The following WDCP variants were observed in gnomAD, a reference collection of about 807,000 sequenced individuals.
WDCP encodes WD repeat and coiled coil containing, also known as WD repeat and coiled-coil-containing protein.
Under a neutral mutation model 41.6 loss-of-function variants are expected in WDCP, and 19 were observed. That is an observed-to-expected ratio of 0.46 (90% CI 0.32 to 0.67). The LOEUF is 0.67. Among genes scored for constraint, WDCP ranks in the 30% least tolerant of loss-of-function variants. The probability of loss-of-function intolerance (pLI) is 0.04; values close to 1 mark genes in which losing one functional copy is unlikely to be tolerated. For missense variants in WDCP, 802 were observed against 850.7 expected (o/e 0.94, Z 0.71); for synonymous variants, 302 against 320.8 (o/e 0.94, Z 0.63).
rs189433158 is a variant in WDCP at position 24,034,771 on chromosome 2, T to C, written c.1819-1825A>G. On this transcript the variant is annotated intron_variant, in intron 2 of 3. Transcript: ENST00000295148. ...GTATTTTTCGGTAGAGACAGGGTTT[T>C]GCCATGCTGCCCAGGCTGGTCTCGA... Among the ~76,000 whole-genome samples, 263 of 152,040 alleles carry C rather than the reference T, an allele frequency of 1.7e-3. 2 individuals carry two copies. The highest frequency in any genetic ancestry group is 6.1e-3 in the African/African-American group (252 of 41,504).
In WDCP at chr2:24,030,255, C is replaced by A. The variant is rs911261906; in HGVS notation, c.*678G>T. 2 of 152,158 alleles carry A rather than the reference C, an allele frequency of 1.3e-5. No individual in the cohort carries two copies. The highest frequency in any genetic ancestry group is 6.5e-5 in the Admixed American group (1 of 15,278). The allele number at this position is 152,158 out of a possible 1,614,324, so 9.4% of individuals were successfully genotyped here. The stretch of plus-strand genomic sequence containing the variant: ...AGCATCGGCACAACCTCAAGTGGAA[C>A]CCAGAGGGGACAAATTCCCTTGAAA... On this transcript the variant is annotated 3_prime_UTR_variant, in exon 4 of 4. Transcript: ENST00000295148.
rs1663049579 is a variant in WDCP, at chr2:24,029,422, T to C, written c.*1511A>G. The stretch of plus-strand genomic sequence containing the variant: ...AAATGGTGATTTTAACATACCCTTT[T>C]AGGTGCCCACATTGATCTTAGTTAA... On this transcript the variant is annotated 3_prime_UTR_variant, in exon 4 of 4. Coordinates refer to ENST00000295148, the MANE Select transcript of WDCP (RefSeq NM_025203.3). The C allele has an allele frequency of 6.6e-6, 1 of 152,234 alleles. No homozygotes were observed. Among genetic ancestry groups the C allele is most frequent in the Admixed American group, 6.5e-5 (1 of 15,278 alleles). The allele number at this position is 152,234 out of a possible 1,614,324, so 9.4% of individuals were successfully genotyped here.
intron 2 of WDCP, among the ~76,000 whole-genome samples, chr2:24,034,783 C>T (rs991784599): frequency 2.6e-5 from 4 of 152,000 alleles, no homozygotes; most frequent in African/African-American, 4.8e-5. Context: ...CCATGCTGCC[C>T]AGGCTGGTCT....
rs70944709 is a variant in WDCP at position 24,043,491 on chromosome 2, TAAAACAAAAC to T, written c.-19+3813_-19+3822del. Among the ~76,000 whole-genome samples the T allele has an allele frequency of 6.6e-5, 10 of 151,136 alleles. No homozygotes were observed. The East Asian group carries it at 1.9e-3, about 29-fold the overall frequency. ...AACACAGCAAGATACTGTCTCTACT[TAAAACAAAAC>T]AAAACAAAACAAAAAACCCCCCAAC... On this transcript the variant is annotated intron_variant, in intron 1 of 3. Transcript: ENST00000295148.
At position 24,038,629 on chromosome 2, in the gene WDCP, T is replaced by G; in HGVS notation, c.866A>C (p.His289Pro). The G allele has an allele frequency of 6.2e-7, 1 of 1,614,202 alleles. No individual in the cohort carries two copies. The change falls in exon 2 of 4, where the codon CAT becomes CCT. Residue 289 changes from histidine to proline, a missense_variant. Coordinates refer to ENST00000295148, the MANE Select transcript of WDCP (RefSeq NM_025203.3). ...YLEPLDLTHI[H>P]FNQHKSEGNS... is the part of the protein sequence containing the mutation. Reference sequence around the variant, plus strand: ...ACCCTCAGACTTATGTTGATTGAAATGTATGTGAGTTAGATCCAGAGGTTC... The same window carrying G: ...ACCCTCAGACTTATGTTGATTGAAAGGTATGTGAGTTAGATCCAGAGGTTC...
intron 1 of WDCP, among the ~76,000 whole-genome samples, chr2:24,045,631 G>GAGAGAGGA (rs1553318652): frequency 1.0e-4 from 11 of 106,150 alleles, no homozygotes; most frequent in African/African-American, 4.8e-4. Context: ...GAGAGAGAGA[G>GAGAGAGGA]AGGAAGGAAG....
chr2:24,031,414 C>T lies in WDCP; in HGVS notation c.1937-252G>A, dbSNP rs1226090186. On this transcript the variant is annotated intron_variant, in intron 3 of 3. Transcript: ENST00000295148. ...GGTGGCTACTGTTACAAGAATGAGG[C>T]ATAAGAAAACAACCATGCTCCACAT... 2.6e-5 allele frequency among the ~76,000 whole-genome samples: 4 copies of T among 152,144 alleles called. No individual in the cohort carries two copies. In the East Asian group the frequency reaches 7.7e-4, roughly 29 times the overall value.
At position 24,029,970 on chromosome 2, in the gene WDCP, C is replaced by T. The variant is rs1426542923; in HGVS notation, c.*963G>A. On this transcript the variant is annotated 3_prime_UTR_variant, in exon 4 of 4. Coordinates refer to ENST00000295148, the MANE Select transcript of WDCP (RefSeq NM_025203.3). ...GCACTTTTTAGGACTACCTCAGATT[C>T]GGTTGAATTTCTAACTTCCTGAAAT... is the stretch of plus-strand genomic sequence containing the variant. 1.3e-5 allele frequency: 2 copies of T among 152,540 alleles called. No individual in the cohort carries two copies. Among genetic ancestry groups the T allele is most frequent in the Non-Finnish European group, 1.5e-5 (1 of 68,010 alleles). 9.4% of individuals were successfully genotyped at this position (152,540 alleles called of 1,614,324 possible). A position where few individuals can be genotyped will look rare whatever the true frequency, so the allele number is the denominator to read the frequency against.
At position 24,030,839 on chromosome 2, in the gene WDCP, CAG is replaced by C; in HGVS notation, c.*92_*93del. ...CCATGGCAAGCGCTTCGCCTGAGTGCAGTGGGAGTCTCATTGGCGAGTGTCCA... is the reference window on the plus strand; with the variant it reads ...CCATGGCAAGCGCTTCGCCTGAGTGCTGGGAGTCTCATTGGCGAGTGTCCA... On this transcript the variant is annotated 3_prime_UTR_variant, in exon 4 of 4. Coordinates refer to ENST00000295148, the MANE Select transcript of WDCP (RefSeq NM_025203.3). The C allele has an allele frequency of 1.0e-6, 1 of 958,572 alleles. No individual in the cohort carries two copies. The allele number at this position is 958,572 out of a possible 1,614,324, so 59.4% of individuals were successfully genotyped here.
At position 24,031,181 on chromosome 2, in the gene WDCP, A is replaced by C; in HGVS notation, c.1937-19T>G. ...TGGGAATCTGCAAATAAAAATAAAT[A>C]CACAGGCAATTTAGTATATATTATT... is the stretch of plus-strand genomic sequence containing the variant. On this transcript the variant is annotated intron_variant, in intron 3 of 3. Coordinates refer to ENST00000295148, the MANE Select transcript of WDCP (RefSeq NM_025203.3). 1 of 1,564,612 alleles carries C rather than the reference A, an allele frequency of 6.4e-7. No individual in the cohort carries two copies. The highest frequency in any genetic ancestry group is 8.8e-7 in the Non-Finnish European group (1 of 1,137,256).
Position 24,038,989 on chromosome 2 carries a change from A to C in WDCP, c.506T>G (p.Leu169Arg). 2 of 1,614,208 alleles carry C rather than the reference A, an allele frequency of 1.2e-6. No individual in the cohort carries two copies. Among genetic ancestry groups the C allele is most frequent in the South Asian group, 2.2e-5 (2 of 91,088 alleles). Residue 169 changes from leucine (L) to arginine (R), a missense_variant, in exon 2 of 4, where the codon CTG (leucine) becomes CGG (arginine). Coordinates refer to ENST00000295148, the MANE Select transcript of WDCP (RefSeq NM_025203.3). ...IHCACWTQDG[L>R]RLVVAVGSSL... Reference sequence around the variant, plus strand: ...GCTGCCTACTGCCACCACCAGCCTCAGGCCATCCTGGGTCCAACATGCACA... The same window carrying C: ...GCTGCCTACTGCCACCACCAGCCTCCGGCCATCCTGGGTCCAACATGCACA...
intron 1 of WDCP, among the ~76,000 whole-genome samples, chr2:24,040,092 C>T (rs1399496082): frequency 1.3e-5 from 2 of 152,050 alleles, no homozygotes; most frequent in South Asian, 2.1e-4. Flanking sequence ...TGAGCTCCCG[C>T]GCCCGGCCAG....
In WDCP at chr2:24,031,549, G is replaced by A. The variant is rs1008305204; in HGVS notation, c.1937-387C>T. Among the ~76,000 whole-genome samples, 5 of 152,184 alleles carry A rather than the reference G, an allele frequency of 3.3e-5. No homozygotes were observed. The East Asian group carries it at 7.7e-4, about 23-fold the overall frequency. On this transcript the variant is annotated intron_variant, in intron 3 of 3. Coordinates refer to ENST00000295148, the MANE Select transcript of WDCP (RefSeq NM_025203.3). Reference sequence around the variant, plus strand: ...TCCTCAAAGAAATATTCTGTAGGCCGGGCGCAGTGGCTCACGCCTATAATC... The same window carrying A: ...TCCTCAAAGAAATATTCTGTAGGCCAGGCGCAGTGGCTCACGCCTATAATC...
At chr2:24,036,872 G>A (rs886848909) in intron 2 of WDCP, among the ~76,000 whole-genome samples, 1 of 152,216 alleles carries the variant, frequency 6.6e-6, no homozygotes, top group Admixed American at 6.5e-5. Flanking sequence ...ATGTTAAGCT[G>A]CTGGTTACAG....
chr2:24,039,671 T>A (rs1558335662), intron 1 of WDCP, among the ~76,000 whole-genome samples, 159 bp from the exon 2 acceptor site: 1 of 152,180 alleles, frequency 6.6e-6, no homozygotes, highest in East Asian at 1.9e-4. Context: ...TACTGAGCTA[T>A]CAGGCAAATG....
intron 2 of WDCP, among the ~76,000 whole-genome samples, chr2:24,036,105 T>TAAAA (rs1286239999): frequency 6.9e-6 from 1 of 145,824 alleles, no homozygotes; most frequent in African/African-American, 2.6e-5. Flanking sequence ...AATAAATAAA[T>TAAAA]AAAATAAAAT....
chr2:24,035,479 T>A (rs1196641497), intron 2 of WDCP, among the ~76,000 whole-genome samples: 1 of 152,096 alleles, frequency 6.6e-6, no homozygotes, highest in African/African-American at 2.4e-5. Context: ...TTTATTAAAA[T>A]ACAGTTTTGC....
intron 2 of WDCP, among the ~76,000 whole-genome samples, chr2:24,036,343 TA>T (rs767621297): frequency 5.8e-3 from 801 of 138,666 alleles, no homozygotes; most frequent in African/African-American, 0.01. Context: ...CTGTCTCTGC[TA>T]AAAAAAAAAA....
chr2:24,033,307 T>A, intron 2 of WDCP: 1 of 359,246 alleles, frequency 2.8e-6, no homozygotes, highest in Admixed American at 3.9e-5. Flanking sequence ...CACCTCATGG[T>A]TTATTAGGAA....
Sources: gnomAD v4.1 joint callset for allele counts (sites outside exome capture counted in the v4.1 genomes callset) on GRCh38, gnomAD v4.1.1 for gene constraint, MANE v1.5 for transcripts, NCBI Gene and HGNC (gene_info 2026-07-23, HGNC 2026-07-21) for gene names.